Variants in CNTNAP4 observed in about 807,000 individuals in gnomAD.
CNTNAP4 encodes the protein contactin associated protein family member 4.
In CNTNAP4, 98 loss-of-function variants were observed where a neutral mutation model predicts 148.4. The ratio of observed to expected loss-of-function variants is 0.66; its 90% CI spans 0.56 to 0.78. CNTNAP4 has a LOEUF of 0.78. Ranked by LOEUF, CNTNAP4 falls within the 30% of genes least tolerant of loss-of-function variation. The pLI is 0.00. For synonymous variants in CNTNAP4, 730 were observed against 565.1 expected (o/e 1.29, Z -4.14); for missense variants, 1,935 against 1,565.6 (o/e 1.24, Z -3.98).
At chr16:76,522,703 TTTCTTTTCTTTTC>T (rs2083528436) in intron 17 of CNTNAP4, among the ~76,000 whole-genome samples, 1 of 17,534 alleles carries the variant, frequency 5.7e-5, no homozygotes, top group East Asian at 1.3e-3. Context: ...TTTCTTTTCT[TTTCTTTTCTTTTC>T]TTTTCTTTTC....
chr16:76,452,894 G>A lies in CNTNAP4; in HGVS notation c.1333+125G>A, dbSNP rs2080567162. 6 of 876,724 alleles carry A rather than the reference G, an allele frequency of 6.8e-6. No individual in the cohort carries two copies. In the Admixed American group the frequency reaches 1.7e-4, roughly 25 times the overall value. 54.3% of individuals were successfully genotyped at this position (876,724 alleles called of 1,614,324 possible). A position where few individuals can be genotyped will look rare whatever the true frequency, so the allele number is the denominator to read the frequency against. On this transcript the variant is annotated intron_variant, in intron 8 of 23. Coordinates refer to ENST00000611870, the MANE Select transcript of CNTNAP4 (RefSeq NM_033401.5). ...AATAAATGAATACTCAGGTTAATAA[G>A]ATTATAAGTACTCTTCCTTAGAGGA... is the stretch of plus-strand genomic sequence containing the variant.
Position 76,331,313 on chromosome 16 carries a change from G to A in CNTNAP4, c.196+14790G>A, listed in dbSNP as rs183131160. 4.6e-3 allele frequency among the ~76,000 whole-genome samples: 697 copies of A among 151,750 alleles called. 2 individuals carry two copies. Among genetic ancestry groups the A allele is most frequent in the Middle Eastern group, 0.017 (5 of 294 alleles). ...CACCATTGTCCTGTCTCAGCCTCCC[G>A]AGTAGCTGGGACTGCAGGCGCCCGC... On this transcript the variant is annotated intron_variant, in intron 2 of 23. Transcript: ENST00000611870.
At chr16:76,450,310 G>A (rs2080413337) in intron 7 of CNTNAP4, among the ~76,000 whole-genome samples, 1 of 151,932 alleles carries the variant, frequency 6.6e-6, no homozygotes, top group South Asian at 2.1e-4. Context: ...CAACACACCT[G>A]GCTAATTTTT....
At chr16:76,296,725 C>T (rs1266421274) in intron 1 of CNTNAP4, among the ~76,000 whole-genome samples, 14 of 152,110 alleles carry the variant, frequency 9.2e-5, no homozygotes, top group African/African-American at 3.4e-4. Flanking sequence ...GGAAATTCCA[C>T]ATCAATTTGA....
At chr16:76,389,857 C>A (rs1339779829) in intron 3 of CNTNAP4, among the ~76,000 whole-genome samples, 3 of 152,088 alleles carry the variant, frequency 2.0e-5, no homozygotes, top group African/African-American at 7.2e-5. Context: ...CTACCAAAAC[C>A]CACATGTTTT....
intron 3 of CNTNAP4, among the ~76,000 whole-genome samples, chr16:76,371,211 C>T (rs2014780321): frequency 2.6e-5 from 4 of 152,220 alleles, no homozygotes; most frequent in Admixed American, 2.0e-4. Context: ...AAACATCTTA[C>T]ACATGAGCTC....
At chr16:76,479,929 A>G (rs2081754036) in intron 12 of CNTNAP4, among the ~76,000 whole-genome samples, 2 of 152,184 alleles carry the variant, frequency 1.3e-5, no homozygotes, top group African/African-American at 4.8e-5. Context: ...AAACATGGAA[A>G]TATGTTTGAT....
Position 76,320,897 on chromosome 16 carries a change from C to G in CNTNAP4, c.196+4374C>G, listed in dbSNP as rs566855104. 5.3e-5 allele frequency among the ~76,000 whole-genome samples: 8 copies of G among 152,164 alleles called. No homozygotes were observed. In the South Asian group the frequency reaches 1.7e-3, roughly 32 times the overall value. ...TAGTAAATAAAATGATTGTCCAAAG[C>G]AAAAATAATATATTTACAAGTGTGA... On this transcript the variant is annotated intron_variant, in intron 2 of 23. Transcript: ENST00000611870.
At chr16:76,315,601 A>G (rs531106388) in intron 1 of CNTNAP4, among the ~76,000 whole-genome samples, 1 of 152,064 alleles carries the variant, frequency 6.6e-6, no homozygotes, top group East Asian at 1.9e-4. Context: ...TGTGCTGTGA[A>G]GTCTGTTTTT....
At chr16:76,381,174 G>C (rs889796504) in intron 3 of CNTNAP4, among the ~76,000 whole-genome samples, 4 of 152,138 alleles carry the variant, frequency 2.6e-5, no homozygotes, top group African/African-American at 9.7e-5. Flanking sequence ...TTAGAATCTA[G>C]TAACTTTAAA....
chr16:76,510,903 C>G (rs905319433), intron 15 of CNTNAP4, among the ~76,000 whole-genome samples: 2 of 152,052 alleles, frequency 1.3e-5, no homozygotes, highest in African/African-American at 4.8e-5. Flanking sequence ...TGAGGCCATA[C>G]TGGTTTTTTT....
At chr16:76,459,043 C>T (rs1300607690) in intron 8 of CNTNAP4, among the ~76,000 whole-genome samples, 1 of 151,964 alleles carries the variant, frequency 6.6e-6, no homozygotes, top group Non-Finnish European at 1.5e-5. Flanking sequence ...AATGTTCATC[C>T]CCACAGATAG....
intron 12 of CNTNAP4, among the ~76,000 whole-genome samples, chr16:76,486,786 G>A (rs2082045901): frequency 6.6e-6 from 1 of 152,190 alleles, no homozygotes; most frequent in African/African-American, 2.4e-5. Flanking sequence ...AAGGAGGAGA[G>A]AGTGTGCCAG....
intron 4 of CNTNAP4, among the ~76,000 whole-genome samples, chr16:76,444,885 T>C (rs921634222): frequency 5.3e-5 from 8 of 152,294 alleles, no homozygotes; most frequent in African/African-American, 1.9e-4. Context: ...ATTGTTTACC[T>C]GCATGGGAAA....
At position 76,438,273 on chromosome 16, in the gene CNTNAP4, A is replaced by C. The variant is rs555752301; in HGVS notation, c.539-9739A>C. On this transcript the variant is annotated intron_variant, in intron 4 of 23. Coordinates refer to ENST00000611870, the MANE Select transcript of CNTNAP4 (RefSeq NM_033401.5). ...TCTTGTAACTCACATGCTCAAGGTG[A>C]AATGCCAAGCAGCCCTAGAGAAAGC... Among the ~76,000 whole-genome samples, 7 of 152,194 alleles carry C rather than the reference A, an allele frequency of 4.6e-5. No individual in the cohort carries two copies. In the South Asian group the frequency reaches 1.5e-3, roughly 32 times the overall value.
At chr16:76,296,114 A>T (rs576487963) in intron 1 of CNTNAP4, among the ~76,000 whole-genome samples, 2 of 152,358 alleles carry the variant, frequency 1.3e-5, no homozygotes, top group African/African-American at 4.8e-5. Flanking sequence ...TTTGAGGAAT[A>T]TGCCATGGTA....
At chr16:76,370,620 G>A (rs796910077) in intron 3 of CNTNAP4, among the ~76,000 whole-genome samples, 6 of 152,210 alleles carry the variant, frequency 3.9e-5, no homozygotes, top group African/African-American at 1.4e-4. Flanking sequence ...TTGGGTCAGA[G>A]CAGGGAAAGG....
At chr16:76,505,019 G>A (rs2082790891) in intron 15 of CNTNAP4, among the ~76,000 whole-genome samples, 1 of 152,116 alleles carries the variant, frequency 6.6e-6, no homozygotes, top group Non-Finnish European at 1.5e-5. Context: ...TTGCACTACA[G>A]ATGCAAAATG....
At chr16:76,415,759 G>C (rs2078951098) in intron 3 of CNTNAP4, among the ~76,000 whole-genome samples, 1 of 151,072 alleles carries the variant, frequency 6.6e-6, no homozygotes, top group South Asian at 2.1e-4. Flanking sequence ...TGTCACTGTA[G>C]AGTATTTTTA....
Sources: gnomAD v4.1 joint callset for allele counts (sites outside exome capture counted in the v4.1 genomes callset) on GRCh38, gnomAD v4.1.1 for gene constraint, MANE v1.5 for transcripts, NCBI Gene and HGNC (gene_info 2026-07-23, HGNC 2026-07-21) for gene names.